Variants in ABCG2 observed in about 807,000 individuals in gnomAD.
The protein encoded by ABCG2 is ATP binding cassette subfamily G member 2 (JR blood group), also known as broad substrate specificity ATP-binding cassette transporter ABCG2.
ABCG2 carries 80 observed loss-of-function variants against 73.5 expected under a neutral mutation model. The ratio of observed to expected loss-of-function variants is 1.09; its 90% CI spans 0.91 to 1.31. ABCG2 has a LOEUF of 1.31. Among genes scored for constraint, ABCG2 ranks in the 50% most tolerant of loss-of-function variants. ABCG2 has a pLI of 0.00. For synonymous variants in ABCG2, 269 were observed against 282.4 expected (o/e 0.95, Z 0.48); for missense variants, 796 against 786.2 (o/e 1.01, Z -0.15).
chr4:88,109,161 G>A (rs1242318808), intron 9 of ABCG2, among the ~76,000 whole-genome samples: 1 of 151,942 alleles, frequency 6.6e-6, no homozygotes, highest in Non-Finnish European at 1.5e-5. Context: ...ACCAAGCCCA[G>A]CTAATTTTTT....
chr4:88,150,940 G>C (rs943488984), intron 1 of ABCG2, among the ~76,000 whole-genome samples: 2 of 152,168 alleles, frequency 1.3e-5, no homozygotes, highest in African/African-American at 4.8e-5. Flanking sequence ...AAAATCGCCT[G>C]CCCCAAACAA....
intron 1 of ABCG2, among the ~76,000 whole-genome samples, chr4:88,175,571 C>T (rs549164332): frequency 1.3e-5 from 2 of 152,292 alleles, no homozygotes; most frequent in African/African-American, 4.8e-5. Context: ...TTCTATATCA[C>T]AATCCAAAGG....
chr4:88,125,212 A>C (rs965723647), intron 5 of ABCG2, among the ~76,000 whole-genome samples: 4 of 151,850 alleles, frequency 2.6e-5, no homozygotes, highest in Non-Finnish European at 4.4e-5. Context: ...GAATGGTGTG[A>C]ACCTGGGAGG....
rs778132800 is a variant in ABCG2 at position 88,092,345 on chromosome 4, G to A, written c.1857C>T (p.Ile619=). ...TGEEYLVKQG[I]DLSPWGLWKN... ...TCCACAAGCCCCAGGGTGAGAGATCGATGCCCTGCTTTACCAAATATTCTT... is the reference window on the plus strand; with the variant it reads ...TCCACAAGCCCCAGGGTGAGAGATCAATGCCCTGCTTTACCAAATATTCTT... The change falls in exon 16 of 16, where the codon ATC becomes ATT. Residue 619 remains isoleucine (I), a synonymous_variant. Coordinates refer to ENST00000237612, the MANE Select transcript of ABCG2 (RefSeq NM_004827.3). 3.7e-6 allele frequency: 6 copies of A among 1,612,862 alleles called. No individual in the cohort carries two copies. Among genetic ancestry groups the A allele is most frequent in the African/African-American group, 2.7e-5 (2 of 74,852 alleles).
chr4:88,139,957 T>C lies in ABCG2; in HGVS notation c.39A>G (p.Ser13=). ...SSNVEVFIPV[S]QGNTNGFPAT... ...CGGGGAAGCCATTGGTGTTTCCTTG[T>C]GACACTGGGATAAAAACTTCGACAT... Residue 13 remains serine (S), a synonymous_variant, in exon 2 of 16, where the codon TCA becomes TCG. Transcript: ENST00000237612. The C allele has an allele frequency of 6.2e-7, 1 of 1,614,152 alleles. No individual in the cohort carries two copies.
chr4:88,140,222 T>C (rs1725537710), intron 1 of ABCG2, among the ~76,000 whole-genome samples: 1 of 152,326 alleles, frequency 6.6e-6, no homozygotes, highest in Non-Finnish European at 1.5e-5. Flanking sequence ...AAACTCCAAT[T>C]AGATGTCAAA....
rs1305398818 is a variant in ABCG2, at chr4:88,131,886, G to C, written c.295C>G (p.Pro99Ala). The C allele has an allele frequency of 1.2e-6, 2 of 1,613,792 alleles. No individual in the cohort carries two copies. Among genetic ancestry groups the C allele is most frequent in the Admixed American group, 1.7e-5 (1 of 59,992 alleles). Reference protein sequence around the residue: ...LLDVLAARKDPSGLSGDVLIN... With the variant: ...LLDVLAARKDASGLSGDVLIN... The stretch of plus-strand genomic sequence containing the variant: ...AGAACATCTCCAGATAATCCACTTG[G>C]ATCTTTCCTTGCAGCTAAGACATCT... The change falls in exon 4 of 16, where the codon CCA becomes GCA. Residue 99 changes from proline to alanine, a missense_variant. Transcript: ENST00000237612.
At chr4:88,188,217 C>T (rs2110105344) in intron 1 of ABCG2, among the ~76,000 whole-genome samples, 1 of 152,310 alleles carries the variant, frequency 6.6e-6, no homozygotes, top group East Asian at 1.9e-4. Flanking sequence ...TTCCCAGCCT[C>T]ATATGTTGAA....
intron 1 of ABCG2, among the ~76,000 whole-genome samples, chr4:88,190,778 A>G (rs1728656310): frequency 6.6e-6 from 1 of 152,252 alleles, no homozygotes; most frequent in Admixed American, 6.5e-5. Context: ...AAGTAAAAAT[A>G]TATACAACAT....
At chr4:88,140,261 A>G (rs566713190) in intron 1 of ABCG2, among the ~76,000 whole-genome samples, 1 of 152,182 alleles carries the variant, frequency 6.6e-6, no homozygotes, top group African/African-American at 2.4e-5. Context: ...ATGGGTCCTA[A>G]TAAGTAAATA....
At chr4:88,100,082 C>A (rs1722285766) in intron 11 of ABCG2, among the ~76,000 whole-genome samples, 1 of 152,010 alleles carries the variant, frequency 6.6e-6, no homozygotes, top group African/African-American at 2.4e-5. Context: ...TCATTATTTC[C>A]CTTTCTAATA....
At chr4:88,137,934 C>T (rs1725364190) in intron 2 of ABCG2, among the ~76,000 whole-genome samples, 1 of 152,030 alleles carries the variant, frequency 6.6e-6, no homozygotes, top group Admixed American at 6.6e-5. Flanking sequence ...GTGGGAGGAT[C>T]ACTTAAGCCC....
intron 8 of ABCG2, among the ~76,000 whole-genome samples, chr4:88,114,623 T>C (rs1370310783): frequency 7.0e-6 from 1 of 143,356 alleles, no homozygotes; most frequent in Non-Finnish European, 1.5e-5. Context: ...GCTAGATTCC[T>C]TCTCAAAAAA....
intron 1 of ABCG2, among the ~76,000 whole-genome samples, chr4:88,170,723 T>G (rs1458267433): frequency 6.6e-6 from 1 of 152,260 alleles, no homozygotes; most frequent in African/African-American, 2.4e-5. Flanking sequence ...GATAATAAAA[T>G]TCACTCTTTA....
In ABCG2 at chr4:88,132,505, A is replaced by AC. The variant is rs549729097; in HGVS notation, c.263+70_263+71insG. On this transcript the variant is annotated intron_variant, in intron 3 of 15. Coordinates refer to ENST00000237612, the MANE Select transcript of ABCG2 (RefSeq NM_004827.3). ...GCTCAATAAATACCTGCTCGCACAC[A>AC]AAAAAAAGTGGCTTTTAAAAGCACA... The AC allele has an allele frequency of 4.0e-4, 583 of 1,468,296 alleles. 7 individuals carry two copies. In the African/African-American group the frequency reaches 4.1e-3, roughly 10 times the overall value. 91.0% of individuals were successfully genotyped at this position (1,468,296 alleles called of 1,614,324 possible).
At chr4:88,193,961 C>A (rs963007612) in intron 1 of ABCG2, among the ~76,000 whole-genome samples, 4 of 151,980 alleles carry the variant, frequency 2.6e-5, no homozygotes, top group Non-Finnish European at 5.9e-5. Flanking sequence ...GCCAGACTGG[C>A]CTTGAACTCC....
At chr4:88,158,833 C>T, upstream of ABCG2, 1 of 334,826 alleles carries the variant, frequency 3.0e-6, no homozygotes, top group South Asian at 2.2e-5. Flanking sequence ...CCCGGACATC[C>T]AGGGGACGAG....
intron 1 of ABCG2, among the ~76,000 whole-genome samples, chr4:88,214,779 TTTTG>T (rs993746004): frequency 3.3e-5 from 5 of 152,150 alleles, no homozygotes; most frequent in Admixed American, 1.3e-4. Flanking sequence ...TCAAATCTGT[TTTTG>T]TTTGTTTGCT....
chr4:88,122,800 C>T (rs996098603), intron 5 of ABCG2, among the ~76,000 whole-genome samples: 9 of 152,198 alleles, frequency 5.9e-5, no homozygotes, highest in Non-Finnish European at 7.4e-5. Context: ...CCCAGCACAG[C>T]GCTAGAGCTC....
Sources: gnomAD v4.1 joint callset for allele counts (sites outside exome capture counted in the v4.1 genomes callset) on GRCh38, gnomAD v4.1.1 for gene constraint, MANE v1.5 for transcripts, NCBI Gene and HGNC (gene_info 2026-07-23, HGNC 2026-07-21) for gene names.